Variants in SLCO1B3 observed in about 807,000 individuals in gnomAD.
The protein encoded by SLCO1B3 is liver-specific organic anion transporter 2.
SLCO1B3 carries 72 observed loss-of-function variants against 71.8 expected under a neutral mutation model. The ratio of observed to expected loss-of-function variants is 1.00; its 90% CI spans 0.83 to 1.22. The LOEUF (loss-of-function observed/expected upper bound fraction) is 1.22. Among genes scored for constraint, SLCO1B3 ranks in the 50% most tolerant of loss-of-function variants. The pLI is 0.00. For missense variants in SLCO1B3, 911 were observed against 819.7 expected (o/e 1.11, Z -1.36); for synonymous variants, 298 against 278.4 (o/e 1.07, Z -0.70).
chr12:20,877,943 C>A lies in SLCO1B3; in HGVS notation c.1135+7C>A. ...CATGCTAACTTTTTGTTGGGTAAGA[C>A]ATATTTTTTACCTGTTTGCTTGATA... On this transcript the variant is annotated splice_region_variant and intron_variant, in intron 10 of 15. Transcript: ENST00000381545. 2 of 1,574,894 alleles carry A rather than the reference C, an allele frequency of 1.3e-6. No homozygotes were observed. The highest frequency in any genetic ancestry group is 1.7e-6 in the Non-Finnish European group (2 of 1,160,466).
chr12:20,853,229 T>G (rs1054447618), intron 3 of SLCO1B3, among the ~76,000 whole-genome samples: 1 of 152,136 alleles, frequency 6.6e-6, no homozygotes, highest in Non-Finnish European at 1.5e-5. Flanking sequence ...TTTTCTTTTT[T>G]TCTGTCTTTA....
At chr12:20,898,307 A>T in intron 13 of SLCO1B3, 129 bp from the exon 14 acceptor site, 1 of 614,072 alleles carries the variant, frequency 1.6e-6, no homozygotes, top group Non-Finnish European at 3.0e-6. Context: ...AACTTTATAT[A>T]ACGTGGGAAA....
At chr12:20,868,699 A>C (rs1591770903) in intron 8 of SLCO1B3, among the ~76,000 whole-genome samples, 1 of 152,102 alleles carries the variant, frequency 6.6e-6, no homozygotes, top group South Asian at 2.1e-4. Flanking sequence ...CTGGGGGACC[A>C]CTACCACCAA....
In SLCO1B3 at chr12:20,861,063, A is replaced by G. The variant is rs1242722316; in HGVS notation, c.406A>G (p.Thr136Ala). Residue 136 changes from threonine to alanine, a missense_variant, in exon 6 of 16, where the codon ACA (threonine) becomes GCA (alanine). By Grantham distance (58) the Thr-to-Ala change is moderately conservative. Coordinates refer to ENST00000381545, the MANE Select transcript of SLCO1B3 (RefSeq NM_019844.4). ...ETHINPSENS[T>A]SSLSTCLINQ... ...CCATATTAATCCATCAGAAAATTCA[A>G]CATCAAGTTTATCAACCTGTTTAAT... 1.2e-6 allele frequency: 2 copies of G among 1,602,334 alleles called. No individual in the cohort carries two copies. The highest frequency in any genetic ancestry group is 1.7e-6 in the Non-Finnish European group (2 of 1,172,002).
chr12:20,899,806 G>C (rs1866093064), intron 14 of SLCO1B3, among the ~76,000 whole-genome samples: 1 of 152,118 alleles, frequency 6.6e-6, no homozygotes, highest in African/African-American at 2.4e-5. Context: ...GAAAAAAATT[G>C]AATTTTGCCA....
chr12:20,910,607 T>G (rs1054561916), intron 15 of SLCO1B3, among the ~76,000 whole-genome samples: 1 of 152,182 alleles, frequency 6.6e-6, no homozygotes. Context: ...TATCACTTCA[T>G]ATTTTAGTGC....
chr12:20,884,101 T>G (rs1478305975), intron 13 of SLCO1B3, among the ~76,000 whole-genome samples: 2 of 152,154 alleles, frequency 1.3e-5, no homozygotes. Context: ...AAGAAAAATA[T>G]GTGTAAATAA....
chr12:20,874,393 C>T (rs34691116), intron 8 of SLCO1B3, among the ~76,000 whole-genome samples: 15,911 of 152,216 alleles, frequency 0.1, 1,133 homozygotes, highest in Middle Eastern at 0.22. Context: ...ATAGCAATCT[C>T]TCAGTTAGCT....
chr12:20,916,127 A>C lies in SLCO1B3; in HGVS notation c.1989A>C (p.Arg663Ser). 6.2e-7 allele frequency: 1 copy of C among 1,613,598 alleles called. No homozygotes were observed. The highest frequency in any genetic ancestry group is 8.5e-7 in the Non-Finnish European group (1 of 1,179,672). The stretch of plus-strand genomic sequence containing the variant: ...ATACCAAGGCATCGGACAATGAAAG[A>C]AAAGTAATGGATGAAGCAAACTTAG... ...GKDTKASDNERKVMDEANLEF... is the reference protein window; with the variant it reads ...GKDTKASDNESKVMDEANLEF... The change falls in exon 16 of 16, where the codon AGA (arginine) becomes AGC (serine). Residue 663 changes from arginine to serine, a missense_variant. Coordinates refer to ENST00000381545, the MANE Select transcript of SLCO1B3 (RefSeq NM_019844.4).
At chr12:20,841,290 T>C (rs1266425641) in intron 3 of SLCO1B3, among the ~76,000 whole-genome samples, 1 of 152,108 alleles carries the variant, frequency 6.6e-6, no homozygotes, top group Non-Finnish European at 1.5e-5. Flanking sequence ...TAGAAAAAAA[T>C]GGCGCCCTCC....
In SLCO1B3 at chr12:20,819,659, GA is replaced by G. The variant is rs1864256557; in HGVS notation, c.84+3839del. 2.0e-5 allele frequency among the ~76,000 whole-genome samples: 3 copies of G among 152,128 alleles called. No individual in the cohort carries two copies. In the South Asian group the frequency reaches 6.2e-4, roughly 32 times the overall value. ...TGGTTTTAGGACAGGTAAAATGGGG[GA>G]ATTGTAAGGAGAGTTTATAGGCTTT... On this transcript the variant is annotated intron_variant, in intron 3 of 15. Coordinates refer to ENST00000381545, the MANE Select transcript of SLCO1B3 (RefSeq NM_019844.4).
intron 4 of SLCO1B3, among the ~76,000 whole-genome samples, chr12:20,856,684 C>T (rs184291200): frequency 6.6e-6 from 1 of 152,118 alleles, no homozygotes; most frequent in African/African-American, 2.4e-5. Context: ...CTCAGCCTCC[C>T]GAGTAGCTGG....
At chr12:20,894,463 G>A (rs1459167222) in intron 13 of SLCO1B3, among the ~76,000 whole-genome samples, 1 of 152,008 alleles carries the variant, frequency 6.6e-6, no homozygotes, top group African/African-American at 2.4e-5. Flanking sequence ...AAGATTTCAG[G>A]CCAGCTCTTA....
intron 13 of SLCO1B3, among the ~76,000 whole-genome samples, chr12:20,892,517 G>A (rs562403327): frequency 6.6e-6 from 1 of 152,238 alleles, no homozygotes; most frequent in East Asian, 1.9e-4. Context: ...CAATTACAGA[G>A]GAAGATGAAA....
At chr12:20,870,096 T>C (rs776270635) in intron 8 of SLCO1B3, among the ~76,000 whole-genome samples, 6 of 152,190 alleles carry the variant, frequency 3.9e-5, no homozygotes, top group Non-Finnish European at 8.8e-5. Context: ...TGATGTTGGA[T>C]ATCTTTTCAT....
chr12:20,822,353 A>G (rs1283277146), intron 3 of SLCO1B3, among the ~76,000 whole-genome samples: 1 of 151,952 alleles, frequency 6.6e-6, no homozygotes, highest in African/African-American at 2.4e-5. Flanking sequence ...AATTACAGTC[A>G]AAGGGGGTTG....
At chr12:20,888,146 GTCAGGTAATGTGATACCT>G (rs1183623401) in intron 13 of SLCO1B3, among the ~76,000 whole-genome samples, 21 of 152,132 alleles carry the variant, frequency 1.4e-4, no homozygotes, top group Admixed American at 1.2e-3. Flanking sequence ...ATAATTTGAA[GTCAGGTAATGTGATACCT>G]TCAGCTTCAT....
At chr12:20,824,390 G>A (rs1298410407) in intron 3 of SLCO1B3, among the ~76,000 whole-genome samples, 5 of 152,112 alleles carry the variant, frequency 3.3e-5, no homozygotes, top group Admixed American at 6.5e-5. Context: ...CTATTCCAAT[G>A]ATGCTATATC....
At chr12:20,834,520 T>C (rs566060709) in intron 3 of SLCO1B3, among the ~76,000 whole-genome samples, 41 of 148,278 alleles carry the variant, frequency 2.8e-4, no homozygotes, top group Non-Finnish European at 5.4e-4. Context: ...GTATTTATCC[T>C]ATATTTATAT....
Sources: allele counts gnomAD v4.1 joint callset (sites outside exome capture counted in the v4.1 genomes callset), GRCh38; gene constraint gnomAD v4.1.1; transcripts MANE v1.5; gene names NCBI Gene and HGNC (gene_info 2026-07-23, HGNC 2026-07-21).